KANK1: variants seen among roughly 807,000 people sequenced by gnomAD.
KANK1 encodes the protein KN motif and ankyrin repeat domains 1, also known as KN motif and ankyrin repeat domain-containing protein 1.
In KANK1, 109 loss-of-function variants were observed where a neutral mutation model predicts 106.2. The ratio of observed to expected loss-of-function variants is 1.03; its 90% CI spans 0.88 to 1.20. The LOEUF (loss-of-function observed/expected upper bound fraction) is 1.20, where lower values mean the gene tolerates loss of function less well. Ranked by LOEUF, KANK1 falls within the 50% of genes most tolerant of loss-of-function variation. The probability of loss-of-function intolerance (pLI) is 0.00; values close to 1 mark genes in which losing one functional copy is unlikely to be tolerated. For synonymous variants in KANK1, 873 were observed against 652.2 expected (o/e 1.34, Z -5.16); for missense variants, 2,399 against 1,710.7 (o/e 1.40, Z -7.10).
rs1487932348 is a variant in KANK1, at chr9:711,710, ATGTC to A, written c.948_951del (p.Cys317ValfsTer2). 1 of 1,614,230 alleles carries A rather than the reference ATGTC, an allele frequency of 6.2e-7. No homozygotes were observed. Among genetic ancestry groups the A allele is most frequent in the Non-Finnish European group, 8.5e-7 (1 of 1,180,034 alleles). On this transcript the variant is annotated frameshift_variant, in exon 3 of 12. Transcript: ENST00000382297. LOFTEE classifies it high-confidence loss of function. Reference sequence around the variant, plus strand: ...AACCAAAGGGCTGCATCCCAGATCAATGTCTGTGGTGTGAGGAAGCGGTCCTATA... The same window carrying A: ...AACCAAAGGGCTGCATCCCAGATCAATGTGGTGTGAGGAAGCGGTCCTATA...
intron 2 of KANK1, among the ~76,000 whole-genome samples, chr9:705,267 C>G (rs1589055221): frequency 6.6e-6 from 1 of 152,090 alleles, no homozygotes; most frequent in Non-Finnish European, 1.5e-5. Context: ...AGGCAGATTA[C>G]CTGAGGTCAG....
chr9:633,551 A>T (rs955307083), intron 1 of KANK1, among the ~76,000 whole-genome samples: 2 of 152,220 alleles, frequency 1.3e-5, no homozygotes, highest in African/African-American at 4.8e-5. Context: ...CTCTTAATGT[A>T]GTCTGTCTGT....
chr9:647,666 A>G (rs1839978746), intron 1 of KANK1, among the ~76,000 whole-genome samples: 1 of 150,914 alleles, frequency 6.6e-6, no homozygotes, highest in Non-Finnish European at 1.5e-5. Flanking sequence ...TAACAATGTT[A>G]GGAGCCAAAG....
intron 1 of KANK1, among the ~76,000 whole-genome samples, chr9:578,618 G>C (rs1821225733): frequency 6.6e-6 from 1 of 152,044 alleles, no homozygotes; most frequent in Admixed American, 6.6e-5. Flanking sequence ...TATGTAAACA[G>C]CTAGATTTAT....
chr9:568,645 ATGCC>A (rs1189140684), intron 1 of KANK1, among the ~76,000 whole-genome samples: 1 of 152,166 alleles, frequency 6.6e-6, no homozygotes, highest in East Asian at 1.9e-4. Flanking sequence ...GTGCATCACC[ATGCC>A]TGCCTAATTT....
intron 7 of KANK1, 103 bp from the exon 8 acceptor site, chr9:738,182 A>C: frequency 2.2e-6 from 2 of 907,084 alleles, no homozygotes; most frequent in Non-Finnish European, 3.4e-6. Context: ...TTCTAACTGC[A>C]TATATATACT....
chr9:677,887 G>C (rs1371542325), intron 2 of KANK1, among the ~76,000 whole-genome samples: 2 of 152,122 alleles, frequency 1.3e-5, no homozygotes, highest in African/African-American at 4.8e-5. Context: ...TGAAATATTG[G>C]GCAGGGCTAT....
intron 7 of KANK1, among the ~76,000 whole-genome samples, chr9:738,057 G>C (rs184703477): frequency 6.6e-6 from 1 of 152,290 alleles, no homozygotes; most frequent in Non-Finnish European, 1.5e-5. Context: ...CTTCTGCATG[G>C]TGCTGTCTGG....
intron 1 of KANK1, among the ~76,000 whole-genome samples, chr9:580,257 G>C (rs574882960): frequency 6.6e-6 from 1 of 152,174 alleles, no homozygotes; most frequent in African/African-American, 2.4e-5. Context: ...TGGTCTCGCT[G>C]GCCTCAGGAG....
At chr9:645,439 T>TAAAAAA (rs376740141) in intron 1 of KANK1, among the ~76,000 whole-genome samples, 1 of 70,252 alleles carries the variant, frequency 1.4e-5, no homozygotes, top group African/African-American at 6.4e-5. Flanking sequence ...GACTGTGTCT[T>TAAAAAA]AAAAAAAAAA....
intron 2 of KANK1, among the ~76,000 whole-genome samples, chr9:705,191 A>G (rs967125539): frequency 1.3e-5 from 2 of 152,164 alleles, no homozygotes; most frequent in Admixed American, 6.5e-5. Context: ...AAAGTTTATT[A>G]TCTTATTCTG....
chr9:715,829 C>T (rs771655454), intron 3 of KANK1, among the ~76,000 whole-genome samples: 1 of 152,144 alleles, frequency 6.6e-6, no homozygotes, highest in Non-Finnish European at 1.5e-5. Context: ...AGGAAATGAA[C>T]GCAGAGTATT....
chr9:692,064 C>T (rs148773543), intron 2 of KANK1, among the ~76,000 whole-genome samples: 9 of 151,332 alleles, frequency 5.9e-5, no homozygotes, highest in African/African-American at 1.5e-4. Context: ...ACAAAGATGA[C>T]GGATGACTCT....
At chr9:528,531 G>GA (rs2059913019) in intron 1 of KANK1, among the ~76,000 whole-genome samples, 1 of 135,012 alleles carries the variant, frequency 7.4e-6, no homozygotes, top group Non-Finnish European at 1.6e-5. Flanking sequence ...ACCCAGGCTG[G>GA]AGTGCAGTGG....
In KANK1 at chr9:745,213, C is replaced by A; in HGVS notation, c.4037C>A (p.Thr1346Asn). The change falls in exon 12 of 12, where the codon ACC (threonine) becomes AAC (asparagine). Residue 1346 changes from threonine (T) to asparagine (N), a missense_variant. By Grantham distance (65) the Thr-to-Asn change is moderately conservative. Coordinates refer to ENST00000382297, the MANE Select transcript of KANK1 (RefSeq NM_015158.5). ...GGAAGGAAGACGTCTCCTGGCCCCA[C>A]CCACCGAGGTTCATTTGATTGATTG... ...RLGRKTSPGPTHRGSFD is the reference protein window; with the variant it reads ...RLGRKTSPGPNHRGSFD 2 of 1,614,060 alleles carry A rather than the reference C, an allele frequency of 1.2e-6. No individual in the cohort carries two copies. Among genetic ancestry groups the A allele is most frequent in the African/African-American group, 1.3e-5 (1 of 75,012 alleles).
chr9:677,984 G>A (rs1465892557), intron 2 of KANK1, among the ~76,000 whole-genome samples: 1 of 152,200 alleles, frequency 6.6e-6, no homozygotes, highest in African/African-American at 2.4e-5. Context: ...GAGGAGCTAT[G>A]TAAGCCGTAA....
intron 1 of KANK1, among the ~76,000 whole-genome samples, chr9:531,482 A>C (rs925522636): frequency 6.6e-6 from 1 of 152,208 alleles, no homozygotes; most frequent in Non-Finnish European, 1.5e-5. Context: ...TCGGCTTACA[A>C]ATCAGAACAT....
intron 1 of KANK1, among the ~76,000 whole-genome samples, chr9:621,282 T>C (rs1268843428): frequency 6.6e-6 from 1 of 152,218 alleles, no homozygotes; most frequent in Admixed American, 6.5e-5. Flanking sequence ...TTATATTAGC[T>C]CTGCCAAAAT....
At chr9:549,307 C>G (rs2061131037) in intron 1 of KANK1, 1 of 152,408 alleles carries the variant, frequency 6.6e-6, no homozygotes, top group Non-Finnish European at 1.5e-5. Context: ...CCGAAGACCC[C>G]TGTCACTGAC....
Sources: gnomAD v4.1 joint callset for allele counts (sites outside exome capture counted in the v4.1 genomes callset) on GRCh38, gnomAD v4.1.1 for gene constraint, MANE v1.5 for transcripts, NCBI Gene and HGNC (gene_info 2026-07-23, HGNC 2026-07-21) for gene names.